MRGPRX2: variants seen among roughly 807,000 people sequenced by gnomAD.
MRGPRX2 encodes the protein MAS related GPR family member X2, also known as mas-related G protein-coupled receptor member X2.
For missense variants in MRGPRX2, 389 were observed against 404.5 expected (o/e 0.96, Z 0.33); for synonymous variants, 183 against 175.6 (o/e 1.04, Z -0.33).
chr11:19,059,532 C>T (rs1366930108), intron 1 of MRGPRX2, among the ~76,000 whole-genome samples: 1 of 151,966 alleles, frequency 6.6e-6, no homozygotes, highest in East Asian at 1.9e-4. Flanking sequence ...TTCCCAACCA[C>T]ATTCCATTCT....
chr11:19,058,489 C>T (rs1299114084), intron 1 of MRGPRX2, among the ~76,000 whole-genome samples: 2 of 150,724 alleles, frequency 1.3e-5, no homozygotes, highest in African/African-American at 2.4e-5. Context: ...GGCTCGATCT[C>T]GGCTCACTGC....
At chr11:19,059,022 A>G (rs1849644117) in intron 1 of MRGPRX2, among the ~76,000 whole-genome samples, 1 of 152,194 alleles carries the variant, frequency 6.6e-6, no homozygotes, top group Non-Finnish European at 1.5e-5. Context: ...GGCAGTGTTG[A>G]GAAAAATCTC....
intron 1 of MRGPRX2, among the ~76,000 whole-genome samples, chr11:19,057,570 T>A (rs938318866): frequency 2.6e-5 from 4 of 152,206 alleles, no homozygotes; most frequent in African/African-American, 9.7e-5. Flanking sequence ...TTGAGCTTTC[T>A]TTGCAAATTA....
Position 19,056,079 on chromosome 11 carries a change from C to G in MRGPRX2, c.324G>C (p.Val108=). 1 of 1,614,202 alleles carries G rather than the reference C, an allele frequency of 6.2e-7. No individual in the cohort carries two copies. The highest frequency in any genetic ancestry group is 1.3e-5 in the African/African-American group (1 of 75,046). Residue 108 remains valine (V), a synonymous_variant, in exon 2 of 2, where the codon GTG becomes GTC. Transcript: ENST00000329773. ...SINFPSFFTT[V]MTCAYLAGLS... is the part of the protein sequence containing the mutation. The stretch of plus-strand genomic sequence containing the variant: ...GGCCTGCAAGGTAGGCACAGGTCAT[C>G]ACAGTGGTGAAGAAGCTAGGGAAAT...
intron 1 of MRGPRX2, among the ~76,000 whole-genome samples, chr11:19,058,852 A>G (rs1373999014): frequency 2.6e-5 from 4 of 152,202 alleles, no homozygotes; most frequent in South Asian, 4.1e-4. Flanking sequence ...GAGGCCATCT[A>G]TTGTAATACG....
chr11:19,056,014 G>A lies in MRGPRX2; in HGVS notation c.389C>T (p.Ser130Phe), dbSNP rs772172620. ...GCGATACCAGATGGGCCACAGGACG[G>A]ACAGGCAGCGCTCGGTGCTGACGGT... Reference protein sequence around the residue: ...LSTVSTERCLSVLWPIWYRCR... With the variant: ...LSTVSTERCLFVLWPIWYRCR... The change falls in exon 2 of 2, where the codon TCC becomes TTC. Residue 130 changes from serine (S) to phenylalanine (F), a missense_variant. Coordinates refer to ENST00000329773, the MANE Select transcript of MRGPRX2 (RefSeq NM_054030.4). The A allele has an allele frequency of 6.2e-6, 10 of 1,614,224 alleles. No homozygotes were observed. In the South Asian group the frequency reaches 8.8e-5, roughly 14 times the overall value.
Position 19,055,703 on chromosome 11 carries a change from G to C in MRGPRX2, c.700C>G (p.Leu234Val), listed in dbSNP as rs748305713. The change falls in exon 2 of 2, where the codon CTC (leucine) becomes GTC (valine). Residue 234 changes from leucine (L) to valine (V), a missense_variant. Leu to Val is a conservative substitution (Grantham distance 32, BLOSUM62 1). Coordinates refer to ENST00000329773, the MANE Select transcript of MRGPRX2 (RefSeq NM_054030.4). ...TGAATGCCAAAGGGCAGGCCGCAGA[G>C]GAGGAACACCAGCACTGTGAGCAGG... The part of the protein sequence containing the change: ...TILLTVLVFL[L>V]CGLPFGIQWF... The C allele has an allele frequency of 2.5e-6, 4 of 1,614,206 alleles. No homozygotes were observed. The highest frequency in any genetic ancestry group is 3.4e-6 in the Non-Finnish European group (4 of 1,180,040).
At position 19,056,411 on chromosome 11, in the gene MRGPRX2, A is replaced by C. The variant is rs200446814; in HGVS notation, c.-9T>G. On this transcript the variant is annotated 5_prime_UTR_variant, in exon 2 of 2. Transcript: ENST00000329773. ...GGGGTGGTTGGATCCATGCTCAGAA[A>C]ACCTCCACTGGTGCCCCTGGAAACA... 1,066 of 1,601,726 alleles carry C rather than the reference A, an allele frequency of 6.7e-4. 6 individuals carry two copies. The African/African-American group carries it at 9.9e-3, about 15-fold the overall frequency.
In MRGPRX2 at chr11:19,055,949, G is replaced by A. The variant is rs745993202; in HGVS notation, c.454C>T (p.Leu152=). The change falls in exon 2 of 2, where the codon CTG becomes TTG. Residue 152 remains leucine (L), a synonymous_variant. Transcript: ENST00000329773. ...PRHLSAVVCV[L]LWALSLLLSI... ...AGCAGTAGGGACAGGGCCCAGAGCA[G>A]GACACACACGACCGCTGACAGGTGT... 1 of 1,614,230 alleles carries A rather than the reference G, an allele frequency of 6.2e-7. No homozygotes were observed. The highest frequency in any genetic ancestry group is 8.5e-7 in the Non-Finnish European group (1 of 1,180,052).
rs1286630698 is a variant in MRGPRX2, at chr11:19,055,378, A to G, written c.*32T>C. 3.8e-6 allele frequency: 6 copies of G among 1,570,576 alleles called. No individual in the cohort carries two copies. In the Admixed American group the frequency reaches 7.3e-5, roughly 19 times the overall value. ...GGGCAAAGTTGCCTCTCAAAGCCAC[A>G]TATATCTGATGGAAGTAGAGGCTGT... On this transcript the variant is annotated 3_prime_UTR_variant, in exon 2 of 2. Coordinates refer to ENST00000329773, the MANE Select transcript of MRGPRX2 (RefSeq NM_054030.4).
At chr11:19,057,466 G>A (rs752228805) in intron 1 of MRGPRX2, among the ~76,000 whole-genome samples, 1 of 152,256 alleles carries the variant, frequency 6.6e-6, no homozygotes, top group Non-Finnish European at 1.5e-5. Flanking sequence ...GGAGAGAGAG[G>A]CAGCAATTGA....
intron 1 of MRGPRX2, among the ~76,000 whole-genome samples, chr11:19,058,616 C>T (rs112769367): frequency 3.7e-4 from 56 of 151,808 alleles, no homozygotes; most frequent in African/African-American, 1.2e-3. Context: ...TCAGTAGAGA[C>T]GGGGTTTCAC....
At chr11:19,056,977 G>A (rs1306407397) in intron 1 of MRGPRX2, among the ~76,000 whole-genome samples, 1 of 152,152 alleles carries the variant, frequency 6.6e-6, no homozygotes, top group Non-Finnish European at 1.5e-5. Context: ...ACTAGAAATT[G>A]CTCAGTGGGT....
chr11:19,055,791 G>A lies in MRGPRX2; in HGVS notation c.612C>T (p.Ala204=). ...LFMVLCGSSL[A]LLVRILCGSR... is the part of the protein sequence containing the mutation. ...AGCCACAGAGGATCCTGACCAGCAG[G>A]GCCAGACTGGACCCACAGAGAACCA... is the stretch of plus-strand genomic sequence containing the variant. The change falls in exon 2 of 2, where the codon GCC becomes GCT. Residue 204 remains alanine (A), a synonymous_variant. Coordinates refer to ENST00000329773, the MANE Select transcript of MRGPRX2 (RefSeq NM_054030.4). The A allele has an allele frequency of 1.2e-6, 2 of 1,614,052 alleles. No individual in the cohort carries two copies. The highest frequency in any genetic ancestry group is 1.7e-6 in the Non-Finnish European group (2 of 1,180,006).
intron 1 of MRGPRX2, among the ~76,000 whole-genome samples, chr11:19,060,263 A>G (rs1045099725): frequency 2.0e-5 from 3 of 152,226 alleles, no homozygotes; most frequent in Non-Finnish European, 2.9e-5. Flanking sequence ...GATATGAAGG[A>G]AAAACCTTTT....
In MRGPRX2 at chr11:19,055,579, T is replaced by G. The variant is rs1178418868; in HGVS notation, c.824A>C (p.Asn275Thr). Residue 275 changes from asparagine to threonine, a missense_variant, in exon 2 of 2, where the codon AAC becomes ACC. By Grantham distance (65) the Asn-to-Thr change is moderately conservative. Transcript: ENST00000329773. The stretch of plus-strand genomic sequence containing the variant: ...GCCCACGAAGAAGTAAATGATGGGG[T>G]TGGCACTGCTGTTAAGAGATGACAG... ...VVLSSLNSSANPIIYFFVGSF... is the reference protein window; with the variant it reads ...VVLSSLNSSATPIIYFFVGSF... 6.2e-7 allele frequency: 1 copy of G among 1,613,958 alleles called. No homozygotes were observed. The highest frequency in any genetic ancestry group is 1.1e-5 in the South Asian group (1 of 91,058).
At position 19,055,922 on chromosome 11, in the gene MRGPRX2, T is replaced by C; in HGVS notation, c.481A>G (p.Ser161Gly). Reference protein sequence around the residue: ...VLLWALSLLLSILEGKFCGFL... With the variant: ...VLLWALSLLLGILEGKFCGFL... ...CCACAGAACTTCCCTTCCAAGATGCTCAGCAGTAGGGACAGGGCCCAGAGC... is the reference window on the plus strand; with the variant it reads ...CCACAGAACTTCCCTTCCAAGATGCCCAGCAGTAGGGACAGGGCCCAGAGC... The change falls in exon 2 of 2, where the codon AGC (serine) becomes GGC (glycine). Residue 161 changes from serine to glycine, a missense_variant. Ser to Gly is a moderately conservative substitution (Grantham distance 56). Coordinates refer to ENST00000329773, the MANE Select transcript of MRGPRX2 (RefSeq NM_054030.4). 6.2e-7 allele frequency: 1 copy of C among 1,614,056 alleles called. No homozygotes were observed. The highest frequency in any genetic ancestry group is 8.5e-7 in the Non-Finnish European group (1 of 1,180,030).
At chr11:19,056,454 C>A (rs751255892) in intron 1 of MRGPRX2, 27 bp from the exon 2 acceptor site, 1 of 1,565,004 alleles carries the variant, frequency 6.4e-7, no homozygotes, top group Non-Finnish European at 8.7e-7. Context: ...GACTTGAGCA[C>A]CTGCTGCATG....
chr11:19,058,076 C>A (rs1849634796), intron 1 of MRGPRX2, among the ~76,000 whole-genome samples: 1 of 152,144 alleles, frequency 6.6e-6, no homozygotes, highest in African/African-American at 2.4e-5. Flanking sequence ...CTTTAAGAAA[C>A]AGTAAGGAAG....
Sources: gnomAD v4.1 joint callset for allele counts (sites outside exome capture counted in the v4.1 genomes callset) on GRCh38, gnomAD v4.1.1 for gene constraint, MANE v1.5 for transcripts, NCBI Gene and HGNC (gene_info 2026-07-23, HGNC 2026-07-21) for gene names.